Variants in XPR1 observed in about 807,000 individuals in gnomAD.
XPR1 encodes xenotropic and polytropic retrovirus receptor 1, also known as solute carrier family 53 member 1.
A neutral mutation model predicts 87.5 loss-of-function variants in XPR1; 28 were observed. The observed-to-expected ratio is 0.32, with a 90% CI of 0.24 to 0.44. The LOEUF is 0.44. Ranked by LOEUF, XPR1 falls within the 20% of genes least tolerant of loss-of-function variation. XPR1 has a pLI of 1.00. For synonymous variants in XPR1, 300 were observed against 306.1 expected, an observed-to-expected ratio of 0.98 and a Z score of 0.21; for missense variants, 559 against 862.3, an observed-to-expected ratio of 0.65 and a Z score of 4.41.
Position 180,890,120 on chromosome 1 carries a change from CT to C in XPR1, c.*6055del, listed in dbSNP as rs145821136. ...AGTAGGTTAAATGCACAATGTGGTA[CT>C]GTTTTATAGTTTCTAGATGGTTGTA... is the stretch of plus-strand genomic sequence containing the variant. On this transcript the variant is annotated 3_prime_UTR_variant, in exon 15 of 15. Coordinates refer to ENST00000367590, the MANE Select transcript of XPR1 (RefSeq NM_004736.4). The C allele has an allele frequency of 6.6e-6, 1 of 152,274 alleles. No individual in the cohort carries two copies. The highest frequency in any genetic ancestry group is 1.9e-4 in the East Asian group (1 of 5,194). 9.4% of individuals were successfully genotyped at this position (152,274 alleles called of 1,614,324 possible).
intron 2 of XPR1, among the ~76,000 whole-genome samples, chr1:180,737,019 G>A (rs948560174): frequency 1.3e-5 from 2 of 152,168 alleles, no homozygotes; most frequent in Non-Finnish European, 2.9e-5. Flanking sequence ...AGCTTTTAAG[G>A]TAAAACATGC....
chr1:180,753,082 T>C (rs1026312305), intron 2 of XPR1, among the ~76,000 whole-genome samples: 1 of 152,216 alleles, frequency 6.6e-6, no homozygotes, highest in Admixed American at 6.5e-5. Flanking sequence ...GAATCCATAT[T>C]CTGCCCCTTA....
intron 2 of XPR1, among the ~76,000 whole-genome samples, chr1:180,764,296 A>G (rs1479022209): frequency 6.6e-6 from 1 of 152,200 alleles, no homozygotes; most frequent in African/African-American, 2.4e-5. Context: ...AGTGAATTTC[A>G]TGTTTAGACT....
intron 2 of XPR1, among the ~76,000 whole-genome samples, chr1:180,744,719 C>T (rs575602011): frequency 6.9e-5 from 9 of 129,498 alleles, no homozygotes; most frequent in Non-Finnish European, 1.4e-4. Context: ...GGCACGATCT[C>T]GGCTCACTGC....
chr1:180,766,882 T>G (rs950816152), intron 2 of XPR1, among the ~76,000 whole-genome samples: 1 of 152,198 alleles, frequency 6.6e-6, no homozygotes, highest in Non-Finnish European at 1.5e-5. Flanking sequence ...ACAAAAGTTT[T>G]ATTCATACCC....
At chr1:180,853,326 C>T (rs1475877100) in intron 11 of XPR1, among the ~76,000 whole-genome samples, 1 of 151,934 alleles carries the variant, frequency 6.6e-6, no homozygotes. Context: ...TTCCTCTGTC[C>T]CTTCTATTAT....
At chr1:180,799,842 A>T (rs957664317) in intron 3 of XPR1, among the ~76,000 whole-genome samples, 3 of 152,180 alleles carry the variant, frequency 2.0e-5, no homozygotes, top group East Asian at 3.9e-4. Flanking sequence ...CAGTGAAAAT[A>T]CCATATCCGG....
chr1:180,660,818 C>T (rs1165206903), intron 1 of XPR1, among the ~76,000 whole-genome samples: 1 of 152,188 alleles, frequency 6.6e-6, no homozygotes, highest in East Asian at 1.9e-4. Context: ...AATGTGTATT[C>T]TGCAGCCATT....
intron 3 of XPR1, among the ~76,000 whole-genome samples, chr1:180,790,811 G>C (rs1033993592): frequency 3.9e-5 from 6 of 152,122 alleles, no homozygotes; most frequent in Admixed American, 1.3e-4. Flanking sequence ...AAAGTGCTGG[G>C]ATTGCAGGTG....
intron 2 of XPR1, among the ~76,000 whole-genome samples, chr1:180,702,389 G>T (rs1274356741): frequency 6.7e-6 from 1 of 149,198 alleles, no homozygotes; most frequent in East Asian, 2.0e-4. Context: ...GGTGTGGTGT[G>T]GTGCTGAAAA....
chr1:180,812,718 G>A (rs1650264832), intron 7 of XPR1, among the ~76,000 whole-genome samples: 1 of 149,126 alleles, frequency 6.7e-6, no homozygotes, highest in Non-Finnish European at 1.5e-5. Context: ...GTCCGATCTC[G>A]GCTCACTGCA....
At position 180,849,490 on chromosome 1, in the gene XPR1, G is replaced by A. The variant is rs550896634; in HGVS notation, c.1501+12774G>A. 3.9e-5 allele frequency among the ~76,000 whole-genome samples: 6 copies of A among 152,254 alleles called. No individual in the cohort carries two copies. The South Asian group carries it at 8.3e-4, about 21-fold the overall frequency. On this transcript the variant is annotated intron_variant, in intron 11 of 14. Transcript: ENST00000367590. ...CAGTCTAATTGAGTAGGATTAGGGC[G>A]ATCCAAAATTTGCATTTTTACCATG... is the stretch of plus-strand genomic sequence containing the variant.
intron 2 of XPR1, among the ~76,000 whole-genome samples, chr1:180,755,813 A>G (rs1236625813): frequency 6.6e-6 from 1 of 151,892 alleles, no homozygotes; most frequent in East Asian, 1.9e-4. Flanking sequence ...GGTTTTATTG[A>G]ATGACTTTGC....
intron 2 of XPR1, among the ~76,000 whole-genome samples, chr1:180,714,402 TGTC>T (rs199534748): frequency 8.4e-6 from 1 of 119,692 alleles, no homozygotes; most frequent in Non-Finnish European, 1.7e-5. Context: ...TCTCTCTCTC[TGTC>T]GTCTGTCTGT....
chr1:180,656,569 T>TTATATATAATA (rs1655527378), intron 1 of XPR1, among the ~76,000 whole-genome samples: 1 of 44,694 alleles, frequency 2.2e-5, no homozygotes, highest in Non-Finnish European at 4.8e-5. Flanking sequence ...ATAATATATA[T>TTATATATAATA]TTTATATATG....
intron 1 of XPR1, among the ~76,000 whole-genome samples, chr1:180,657,596 G>A (rs1304787763): frequency 6.6e-6 from 1 of 152,040 alleles, no homozygotes; most frequent in African/African-American, 2.4e-5. Context: ...AATGAGTTCA[G>A]TTTAGATGTA....
chr1:180,682,216 T>C, intron 1 of XPR1, 144 bp from the exon 2 acceptor site: 1 of 484,060 alleles, frequency 2.1e-6, no homozygotes, highest in Non-Finnish European at 3.5e-6. Flanking sequence ...TGGATTTTAG[T>C]TTATAAATGT....
At chr1:180,790,371 C>G (rs1304137520) in intron 3 of XPR1, among the ~76,000 whole-genome samples, 1 of 151,884 alleles carries the variant, frequency 6.6e-6, no homozygotes, top group East Asian at 1.9e-4. Context: ...AAAAAATGAG[C>G]AAGCAAATTT....
intron 11 of XPR1, among the ~76,000 whole-genome samples, chr1:180,854,626 C>T (rs150377870): frequency 1.3e-4 from 20 of 152,166 alleles, no homozygotes; most frequent in African/African-American, 4.3e-4. Context: ...GGCAAAAGCA[C>T]GATAAGGGAG....
Sources: gnomAD v4.1 joint callset for allele counts (sites outside exome capture counted in the v4.1 genomes callset) on GRCh38, gnomAD v4.1.1 for gene constraint, MANE v1.5 for transcripts, NCBI Gene and HGNC (gene_info 2026-07-23, HGNC 2026-07-21) for gene names.